The following CAVIN1 variants were observed in gnomAD, a reference collection of about 807,000 sequenced individuals.
CAVIN1 encodes the protein caveolae-associated protein 1.
A neutral mutation model predicts 24.0 loss-of-function variants in CAVIN1; 16 were observed. The ratio of observed to expected loss-of-function variants is 0.67; its 90% confidence interval spans 0.45 to 1.01. The LOEUF (loss-of-function observed/expected upper bound fraction) is 1.01, where lower values mean the gene tolerates loss of function less well. Ranked by LOEUF, CAVIN1 falls within the 50% of genes least tolerant of loss-of-function variation. The pLI is 0.00. For synonymous variants in CAVIN1, 256 were observed against 256.4 expected, an observed-to-expected ratio of 1.00 and a Z score of 0.02; for missense variants, 510 against 551.7, an observed-to-expected ratio of 0.92 and a Z score of 0.76.
rs1318695866 is a variant in CAVIN1 at position 42,408,243 on chromosome 17, C to A, written c.472-2855G>T. Among the ~76,000 whole-genome samples the A allele has an allele frequency of 4.6e-5, 7 of 152,116 alleles. No individual in the cohort carries two copies. The East Asian group carries it at 1.4e-3, about 29-fold the overall frequency. On this transcript the variant is annotated intron_variant, in intron 1 of 1. Transcript: ENST00000357037. ...TCCACTTTGTCTCTCTGCCCTACCC[C>A]CAGCATCCCCCGCTTCTCCCCTACC...
At chr17:42,406,052 A>C (rs1056852774) in intron 1 of CAVIN1, among the ~76,000 whole-genome samples, 1 of 152,196 alleles carries the variant, frequency 6.6e-6, no homozygotes, top group Non-Finnish European at 1.5e-5. Flanking sequence ...CCGCGGGAGC[A>C]GGGGACCAAA....
intron 1 of CAVIN1, among the ~76,000 whole-genome samples, chr17:42,415,816 C>CA (rs112491437): frequency 1.6e-3 from 233 of 149,782 alleles, no homozygotes; most frequent in African/African-American, 5.3e-3. Flanking sequence ...GTTATATTTC[C>CA]AAAAAAAAAT....
intron 1 of CAVIN1, among the ~76,000 whole-genome samples, chr17:42,406,234 C>A (rs1429031856): frequency 1.3e-5 from 2 of 152,146 alleles, no homozygotes; most frequent in African/African-American, 2.4e-5. Context: ...TGCCGCAAAT[C>A]GCACACTGCC....
At chr17:42,416,381 A>G (rs2085511836) in intron 1 of CAVIN1, among the ~76,000 whole-genome samples, 1 of 151,748 alleles carries the variant, frequency 6.6e-6, no homozygotes, top group Non-Finnish European at 1.5e-5. Flanking sequence ...AAGAAGAGAG[A>G]GAGAGAGAGA....
intron 1 of CAVIN1, chr17:42,411,835 G>A: frequency 5.1e-6 from 5 of 985,320 alleles, no homozygotes; most frequent in Non-Finnish European, 4.8e-6. Context: ...GAAGTGGGGA[G>A]GCCCCTTCCA....
At position 42,415,988 on chromosome 17, in the gene CAVIN1, C is replaced by T. The variant is rs868477526; in HGVS notation, c.471+6639G>A. On this transcript the variant is annotated intron_variant, in intron 1 of 1. Coordinates refer to ENST00000357037, the MANE Select transcript of CAVIN1 (RefSeq NM_012232.6). ...AAGGCCGCGTGGCTCACGCCTGTAA[C>T]CCCAGCACTTTGGGCGGCCAAGGCA... Among the ~76,000 whole-genome samples the T allele has an allele frequency of 1.8e-4, 28 of 152,042 alleles. No individual in the cohort carries two copies. The Middle Eastern group carries it at 0.01, about 55-fold the overall frequency.
Position 42,423,105 on chromosome 17 carries a change from C to A in CAVIN1, c.-8G>T. On this transcript the variant is annotated 5_prime_UTR_variant, in exon 1 of 2. Coordinates refer to ENST00000357037, the MANE Select transcript of CAVIN1 (RefSeq NM_012232.6). ...GAGCGTGGGGTCCTCCATGGCTACC[C>A]GGAGCCGTGCGGGACCGGCCGGGTG... 2 of 1,548,068 alleles carry A rather than the reference C, an allele frequency of 1.3e-6. No homozygotes were observed. Among genetic ancestry groups the A allele is most frequent in the East Asian group, 2.4e-5 (1 of 41,636 alleles).
chr17:42,421,194 C>T (rs1171553123), intron 1 of CAVIN1, among the ~76,000 whole-genome samples: 1 of 152,054 alleles, frequency 6.6e-6, no homozygotes, highest in East Asian at 1.9e-4. Flanking sequence ...CAGATAGGTA[C>T]CAGCTGACCC....
At chr17:42,415,007 G>T (rs2085503676) in intron 1 of CAVIN1, among the ~76,000 whole-genome samples, 1 of 150,784 alleles carries the variant, frequency 6.6e-6, no homozygotes. Flanking sequence ...ACCAGGCCAG[G>T]TGACCACACA....
rs903059536 is a variant in CAVIN1, at chr17:42,423,213, A to C, written c.-116T>G. ...AGCGGGCGAGAGCGGAGAGCAGAGG[A>C]AACTCGAGCCACGTCCGTGCGCACC... On this transcript the variant is annotated 5_prime_UTR_variant, in exon 1 of 2. Coordinates refer to ENST00000357037, the MANE Select transcript of CAVIN1 (RefSeq NM_012232.6). The C allele has an allele frequency of 1.2e-5, 10 of 857,684 alleles. No individual in the cohort carries two copies. The highest frequency in any genetic ancestry group is 5.8e-5 in the Admixed American group (2 of 34,674). The allele number at this position is 857,684 out of a possible 1,614,324, so 53.1% of individuals were successfully genotyped here.
chr17:42,412,363 C>A, intron 1 of CAVIN1: 219 of 468,210 alleles, frequency 4.7e-4, no homozygotes, highest in Middle Eastern at 1.1e-3. Context: ...GAGGGGAGCA[C>A]AATGTATTAG....
In CAVIN1 at chr17:42,408,342, G is replaced by A. The variant is rs2085457389; in HGVS notation, c.472-2954C>T. On this transcript the variant is annotated intron_variant, in intron 1 of 1. Transcript: ENST00000357037. Reference sequence around the variant, plus strand: ...CCTGGCCTGTGGCTTCCTAGATAAAGGTCTTTGCCAGCTGAACTTGGAAGT... The same window carrying A: ...CCTGGCCTGTGGCTTCCTAGATAAAAGTCTTTGCCAGCTGAACTTGGAAGT... 2.0e-5 allele frequency among the ~76,000 whole-genome samples: 3 copies of A among 151,872 alleles called. No individual in the cohort carries two copies. The South Asian group carries it at 6.2e-4, about 31-fold the overall frequency.
Position 42,422,631 on chromosome 17 carries a change from T to A in CAVIN1, c.467A>T (p.Tyr156Phe). Residue 156 changes from tyrosine (Y) to phenylalanine (F), a missense_variant, in exon 1 of 2, where the codon TAC becomes TTC. By Grantham distance (22) the Tyr-to-Phe change is conservative. Transcript: ENST00000357037. ...CCTTCCGCCCTGTGGGCTCACCTGG[T>A]AGATCATGACTTTAAAGTTGCGGCG... is the stretch of plus-strand genomic sequence containing the variant. ...LRRRNFKVMI[Y>F]QDEVKLPAKL... is the part of the protein sequence containing the mutation. The A allele has an allele frequency of 6.4e-7, 1 of 1,574,338 alleles. No individual in the cohort carries two copies. Among genetic ancestry groups the A allele is most frequent in the Non-Finnish European group, 8.6e-7 (1 of 1,160,164 alleles).
chr17:42,413,295 C>T (rs1030133914), intron 1 of CAVIN1, among the ~76,000 whole-genome samples: 11 of 151,772 alleles, frequency 7.2e-5, no homozygotes, highest in Admixed American at 4.6e-4. Context: ...CAGTGGCTCA[C>T]GCCTATAATC....
chr17:42,411,209 A>AAAAAAAAAAAAAC (rs2085475867), intron 1 of CAVIN1, among the ~76,000 whole-genome samples: 1 of 138,880 alleles, frequency 7.2e-6, no homozygotes, highest in Non-Finnish European at 1.6e-5. Flanking sequence ...AAAAAAAAAA[A>AAAAAAAAAAAAAC]CTAAAAGGTC....
In CAVIN1 at chr17:42,422,590, G is replaced by A. The variant is rs1437271227; in HGVS notation, c.471+37C>T. The A allele has an allele frequency of 2.7e-6, 4 of 1,500,724 alleles. 1 individual carries two copies. In the Admixed American group the frequency reaches 8.0e-5, roughly 30 times the overall value. 93.0% of individuals were successfully genotyped at this position (1,500,724 alleles called of 1,614,324 possible). On this transcript the variant is annotated intron_variant, in intron 1 of 1. Coordinates refer to ENST00000357037, the MANE Select transcript of CAVIN1 (RefSeq NM_012232.6). Reference sequence around the variant, plus strand: ...CCCAGGCAGGGGACGCGGGCCGGGCGCGGGAGCTCTGGGCGCCTTCCGCCC... The same window carrying A: ...CCCAGGCAGGGGACGCGGGCCGGGCACGGGAGCTCTGGGCGCCTTCCGCCC...
At chr17:42,413,078 G>C (rs7217251) in intron 1 of CAVIN1, among the ~76,000 whole-genome samples, 130,811 of 151,520 alleles carry the variant, frequency 0.86, 57,104 homozygotes, top group East Asian at 0.99. Flanking sequence ...ATTACAGGTG[G>C]GTGCCACCAT....
intron 1 of CAVIN1, among the ~76,000 whole-genome samples, chr17:42,405,681 T>TG (rs2085440993): frequency 1.4e-5 from 1 of 69,186 alleles, no homozygotes; most frequent in African/African-American, 4.0e-5. Context: ...TCTCTCTCCT[T>TG]GTTTTTTTTT....
intron 1 of CAVIN1, chr17:42,411,831 G>A: frequency 1.0e-6 from 1 of 985,346 alleles, no homozygotes; most frequent in Non-Finnish European, 1.2e-6. Flanking sequence ...CCAAGAAGTG[G>A]GGAGGCCCCT....
Sources: allele counts gnomAD v4.1 joint callset (sites outside exome capture counted in the v4.1 genomes callset), GRCh38; gene constraint gnomAD v4.1.1; transcripts MANE v1.5; gene names NCBI Gene and HGNC (gene_info 2026-07-23, HGNC 2026-07-21).